Variants in ERBB4 observed in about 807,000 individuals in gnomAD.
ERBB4 encodes the protein erb-b2 receptor tyrosine kinase 4.
Under a neutral mutation model 158.0 loss-of-function variants are expected in ERBB4, and 42 were observed. That is an observed-to-expected ratio of 0.27 (90% CI 0.21 to 0.34). ERBB4 has a LOEUF of 0.34. Ranked by LOEUF, ERBB4 falls within the 10% of genes least tolerant of loss-of-function variation. The pLI, the probability that ERBB4 is intolerant of heterozygous loss-of-function variation, is 1.00. For missense variants in ERBB4, 1,333 were observed against 1,624.1 expected (o/e 0.82, Z 3.08); for synonymous variants, 583 against 558.7 (o/e 1.04, Z -0.61).
At chr2:211,526,827 TAGC>T (rs1559261437) in intron 20 of ERBB4, among the ~76,000 whole-genome samples, 1 of 152,044 alleles carries the variant, frequency 6.6e-6, no homozygotes, top group African/African-American at 2.4e-5. Flanking sequence ...AGTCTCTTAA[TAGC>T]AGAACTAATC....
rs558889643 is a variant in ERBB4, at chr2:211,953,051, C to T, written c.235-5435G>A. On this transcript the variant is annotated intron_variant, in intron 2 of 27. Coordinates refer to ENST00000342788, the MANE Select transcript of ERBB4 (RefSeq NM_005235.3). Reference sequence around the variant, plus strand: ...TTATGGCCCTAAATATAGACTCTGGCGCTGAACATTTAATAATGGCTGTGG... The same window carrying T: ...TTATGGCCCTAAATATAGACTCTGGTGCTGAACATTTAATAATGGCTGTGG... 3.6e-3 allele frequency among the ~76,000 whole-genome samples: 545 copies of T among 151,990 alleles called. 3 individuals carry two copies. Among genetic ancestry groups the T allele is most frequent in the Non-Finnish European group, 4.3e-3 (294 of 67,920 alleles).
At position 211,948,572 on chromosome 2, in the gene ERBB4, T is replaced by C. The variant is rs1421565578; in HGVS notation, c.235-956A>G. Reference sequence around the variant, plus strand: ...TAATTATTTGAGGGTTTGTGAGACATTTTAAAGCAAAACAGTGTCATGAAG... The same window carrying C: ...TAATTATTTGAGGGTTTGTGAGACACTTTAAAGCAAAACAGTGTCATGAAG... On this transcript the variant is annotated intron_variant, in intron 2 of 27. Transcript: ENST00000342788. 2.0e-5 allele frequency among the ~76,000 whole-genome samples: 3 copies of C among 152,154 alleles called. No homozygotes were observed. In the East Asian group the frequency reaches 5.8e-4, roughly 29 times the overall value.
At chr2:212,062,666 C>A (rs7584944) in intron 2 of ERBB4, among the ~76,000 whole-genome samples, 125,626 of 152,002 alleles carry the variant, frequency 0.83, 53,521 homozygotes, top group East Asian at 1. Context: ...TGGCTTCCCA[C>A]AATGTTGGGA....
At chr2:212,208,355 T>A (rs1345329271) in intron 1 of ERBB4, among the ~76,000 whole-genome samples, 1 of 152,160 alleles carries the variant, frequency 6.6e-6, no homozygotes, top group South Asian at 2.1e-4. Flanking sequence ...TCTTTTCTCA[T>A]TATTTGTTCT....
chr2:211,630,757 C>T (rs1321868365), intron 16 of ERBB4, among the ~76,000 whole-genome samples, 163 bp from the exon 17 acceptor site: 1 of 152,032 alleles, frequency 6.6e-6, no homozygotes, highest in Non-Finnish European at 1.5e-5. Context: ...CTACCAAAAC[C>T]TTTCTCATGG....
At chr2:212,296,804 G>T (rs979576725) in intron 1 of ERBB4, among the ~76,000 whole-genome samples, 1 of 151,918 alleles carries the variant, frequency 6.6e-6, no homozygotes, top group Non-Finnish European at 1.5e-5. Context: ...TTCAGGGCAT[G>T]AAATTTATGA....
intron 1 of ERBB4, among the ~76,000 whole-genome samples, chr2:212,249,449 G>GCAC (rs1482500431): frequency 1.7e-4 from 25 of 149,102 alleles, no homozygotes; most frequent in Admixed American, 3.3e-4. Context: ...GAAAAGATAG[G>GCAC]TTGAAACATA....
At chr2:211,883,112 C>A (rs1435059504) in intron 3 of ERBB4, among the ~76,000 whole-genome samples, 1 of 152,166 alleles carries the variant, frequency 6.6e-6, no homozygotes, top group Non-Finnish European at 1.5e-5. Flanking sequence ...GAATACTATG[C>A]AGCCATAAAA....
intron 16 of ERBB4, among the ~76,000 whole-genome samples, chr2:211,654,535 C>A (rs542139179): frequency 5.3e-5 from 8 of 152,220 alleles, no homozygotes; most frequent in African/African-American, 1.9e-4. Context: ...TGGATTAACG[C>A]CCTGTTGATA....
intron 19 of ERBB4, among the ~76,000 whole-genome samples, chr2:211,562,635 C>T (rs557488398): frequency 1.8e-3 from 268 of 152,000 alleles, no homozygotes; most frequent in African/African-American, 6.2e-3. Context: ...AAATAATAAA[C>T]ATTTTAATAA....
At chr2:211,440,670 C>G (rs2063953469) in intron 20 of ERBB4, among the ~76,000 whole-genome samples, 1 of 152,142 alleles carries the variant, frequency 6.6e-6, no homozygotes, top group Non-Finnish European at 1.5e-5. Flanking sequence ...ATCCTTATTA[C>G]AAAGCAAAAC....
intron 1 of ERBB4, among the ~76,000 whole-genome samples, chr2:212,495,962 G>C (rs936344651): frequency 6.6e-6 from 1 of 151,984 alleles, no homozygotes; most frequent in African/African-American, 2.4e-5. Context: ...ATTATATAAA[G>C]TGCTATTTCC....
intron 1 of ERBB4, among the ~76,000 whole-genome samples, chr2:212,380,804 A>G (rs1411578256): frequency 6.6e-6 from 1 of 151,162 alleles, no homozygotes; most frequent in African/African-American, 2.4e-5. Flanking sequence ...GCAATTGATG[A>G]CATTTGGTTA....
chr2:212,474,247 T>C (rs562718631), intron 1 of ERBB4, among the ~76,000 whole-genome samples: 1 of 151,964 alleles, frequency 6.6e-6, no homozygotes, highest in African/African-American at 2.4e-5. Context: ...GTCACAAATA[T>C]GGTACTTTGC....
chr2:212,198,733 CTTTTTTTT>C (rs11448093), intron 1 of ERBB4, among the ~76,000 whole-genome samples: 2 of 96,430 alleles, frequency 2.1e-5, no homozygotes, highest in African/African-American at 9.3e-5. Context: ...TCACCACGCC[CTTTTTTTT>C]TTTTTTTTTT....
chr2:212,427,016 T>C lies in ERBB4; in HGVS notation c.82+111433A>G, dbSNP rs142160929. Among the ~76,000 whole-genome samples the C allele has an allele frequency of 1.2e-4, 19 of 152,330 alleles. No homozygotes were observed. In the East Asian group the frequency reaches 3.7e-3, roughly 29 times the overall value. On this transcript the variant is annotated intron_variant, in intron 1 of 27. Transcript: ENST00000342788. ...TGCACTTATCTACATTACTTAATAG[T>C]ATCTTCTTGTCATAGACAACTGTTT...
intron 1 of ERBB4, among the ~76,000 whole-genome samples, chr2:212,466,542 C>T (rs1314913896): frequency 6.6e-6 from 1 of 152,170 alleles, no homozygotes; most frequent in Non-Finnish European, 1.5e-5. Flanking sequence ...TGCACTAGCT[C>T]TCTTAGCCTG....
intron 2 of ERBB4, among the ~76,000 whole-genome samples, chr2:212,014,321 T>C (rs1034382603): frequency 2.0e-5 from 3 of 152,224 alleles, no homozygotes; most frequent in Non-Finnish European, 4.4e-5. Context: ...GACAACTCCA[T>C]TGCAAACTCT....
chr2:211,772,118 G>A (rs2075705818), intron 4 of ERBB4, among the ~76,000 whole-genome samples: 2 of 152,118 alleles, frequency 1.3e-5, no homozygotes, highest in South Asian at 4.1e-4. Context: ...CCTGTATGGT[G>A]GAAATACTAC....
Sources: allele counts gnomAD v4.1 joint callset (sites outside exome capture counted in the v4.1 genomes callset), GRCh38; gene constraint gnomAD v4.1.1; transcripts MANE v1.5; gene names NCBI Gene and HGNC (gene_info 2026-07-23, HGNC 2026-07-21).